Variants in COPG2 observed in about 807,000 individuals in gnomAD.
COPG2 encodes the protein coatomer subunit gamma-2.
COPG2 carries 37 observed loss-of-function variants against 46.3 expected under a neutral mutation model. That is an observed-to-expected ratio of 0.80 (90% CI 0.61 to 1.05). COPG2 has a LOEUF of 1.05. Ranked by LOEUF, COPG2 falls within the 50% of genes least tolerant of loss-of-function variation. The pLI is 0.00. For synonymous variants in COPG2, 159 were observed against 129.7 expected, an observed-to-expected ratio of 1.23 and a Z score of -1.53; for missense variants, 427 against 387.8, an observed-to-expected ratio of 1.10 and a Z score of -0.85.
chr7:130,539,765 G>A (rs1465832851), intron 20 of COPG2, among the ~76,000 whole-genome samples: 1 of 152,136 alleles, frequency 6.6e-6, no homozygotes, highest in East Asian at 1.9e-4. Flanking sequence ...AGGATGGAGG[G>A]CAGAAAGCAT....
intron 9 of COPG2, chr7:130,603,721 CAAAAAAAAAAA>C (rs782190006): frequency 2.5e-5 from 5 of 199,486 alleles, no homozygotes; most frequent in South Asian, 9.2e-5. Context: ...AACTCAGTCT[CAAAAAAAAAAA>C]AAAAAAAAAA....
chr7:130,559,987 T>C (rs1208095682), intron 12 of COPG2, among the ~76,000 whole-genome samples: 1 of 152,198 alleles, frequency 6.6e-6, no homozygotes, highest in African/African-American at 2.4e-5. Flanking sequence ...ACCAGTTCTA[T>C]TCAACCCTGT....
chr7:130,607,766 C>T, intron 9 of COPG2: 1 of 520,044 alleles, frequency 1.9e-6, no homozygotes, highest in South Asian at 1.4e-5. Flanking sequence ...CTGTTTTGAC[C>T]ACTCTGTCCA....
At chr7:130,653,837 T>C (rs1350842232) in intron 4 of COPG2, among the ~76,000 whole-genome samples, 2 of 151,872 alleles carry the variant, frequency 1.3e-5, no homozygotes, top group African/African-American at 2.4e-5. Context: ...ATCCTCGTGG[T>C]GATTAAAAAC....
intron 9 of COPG2, among the ~76,000 whole-genome samples, chr7:130,592,417 C>T (rs1554449154): frequency 1.3e-5 from 2 of 149,670 alleles, no homozygotes; most frequent in East Asian, 1.9e-4. Context: ...AAAAAGAGTC[C>T]AAATTTCTCA....
intron 4 of COPG2, among the ~76,000 whole-genome samples, chr7:130,658,164 C>G (rs1795893787): frequency 6.6e-6 from 1 of 152,064 alleles, no homozygotes; most frequent in Non-Finnish European, 1.5e-5. Context: ...AACTGGCAAA[C>G]AGATAAACAG....
At chr7:130,544,523 C>T (rs1793396132) in intron 20 of COPG2, among the ~76,000 whole-genome samples, 1 of 151,796 alleles carries the variant, frequency 6.6e-6, no homozygotes, top group Non-Finnish European at 1.5e-5. Flanking sequence ...GAAATGGTTC[C>T]AGATAACAAG....
chr7:130,656,268 T>A (rs6944977), intron 4 of COPG2, among the ~76,000 whole-genome samples: 220 of 151,986 alleles, frequency 1.4e-3, no homozygotes, highest in African/African-American at 5.1e-3. Context: ...TTTAAAAAAA[T>A]CAATGAAACA....
intron 20 of COPG2, among the ~76,000 whole-genome samples, chr7:130,538,138 G>C (rs927437586): frequency 2.0e-5 from 3 of 152,122 alleles, no homozygotes; most frequent in Admixed American, 2.0e-4. Flanking sequence ...CTGAGTCTGT[G>C]GATTGACCTG....
intron 9 of COPG2, among the ~76,000 whole-genome samples, chr7:130,588,604 C>T (rs1794333608): frequency 6.6e-6 from 1 of 151,992 alleles, no homozygotes; most frequent in South Asian, 2.1e-4. Context: ...AATGAGAACA[C>T]ATGGACACAG....
At chr7:130,645,094 A>G in intron 5 of COPG2, 2 of 390,052 alleles carry the variant, frequency 5.1e-6, no homozygotes, top group South Asian at 4.6e-5. Context: ...AAGAAAAGAA[A>G]TGCTTAAGCA....
At chr7:130,529,923 T>C (rs1799807307) in intron 20 of COPG2, among the ~76,000 whole-genome samples, 1 of 152,116 alleles carries the variant, frequency 6.6e-6, no homozygotes, top group Non-Finnish European at 1.5e-5. Context: ...TAATGCAAAA[T>C]ATACGCAGAG....
chr7:130,655,554 T>C (rs1356780895), intron 4 of COPG2, among the ~76,000 whole-genome samples: 2 of 152,014 alleles, frequency 1.3e-5, no homozygotes, highest in Non-Finnish European at 2.9e-5. Context: ...ATGGAATCCC[T>C]CCCTCTCCTC....
intron 3 of COPG2, among the ~76,000 whole-genome samples, chr7:130,665,835 CAA>C (rs199850330): frequency 5.1e-4 from 38 of 74,106 alleles, no homozygotes; most frequent in Admixed American, 7.4e-4. Context: ...AAGTCTGGGG[CAA>C]AAAAAAAAAA....
At chr7:130,600,342 C>T (rs1239473708) in intron 9 of COPG2, among the ~76,000 whole-genome samples, 3 of 152,144 alleles carry the variant, frequency 2.0e-5, no homozygotes, top group African/African-American at 7.2e-5. Context: ...CTCACCGCAA[C>T]CTCCGCCTCC....
chr7:130,549,454 G>T, intron 17 of COPG2, 78 bp from the exon 18 acceptor site: 1 of 398,110 alleles, frequency 2.5e-6, no homozygotes, highest in South Asian at 1.3e-4. Context: ...AAAGAGAGGA[G>T]AGCAGACATT....
intron 5 of COPG2, chr7:130,645,082 A>G (rs1288032124): frequency 5.3e-6 from 2 of 377,952 alleles, no homozygotes; most frequent in Non-Finnish European, 1.0e-5. Flanking sequence ...AAAAAAAAAA[A>G]AAAGAAAAGA....
At chr7:130,568,095 G>A (rs1020210009) in intron 9 of COPG2, among the ~76,000 whole-genome samples, 3 of 152,054 alleles carry the variant, frequency 2.0e-5, no homozygotes, top group African/African-American at 7.2e-5. Flanking sequence ...TGGCCAACAT[G>A]GTGACCCTGT....
chr7:130,612,675 G>C (rs1794873331), intron 7 of COPG2, among the ~76,000 whole-genome samples: 2 of 152,130 alleles, frequency 1.3e-5, no homozygotes, highest in African/African-American at 4.8e-5. Flanking sequence ...TCACATATAG[G>C]TAACTGACGT....
Sources: gnomAD v4.1 joint callset for allele counts (sites outside exome capture counted in the v4.1 genomes callset) on GRCh38, gnomAD v4.1.1 for gene constraint, MANE v1.5 for transcripts, NCBI Gene and HGNC (gene_info 2026-07-23, HGNC 2026-07-21) for gene names.